The following FLYWCH1 variants were observed in gnomAD, a reference collection of about 807,000 sequenced individuals.
FLYWCH1 encodes FLYWCH-type zinc finger-containing protein 1.
Under a neutral mutation model 66.4 loss-of-function variants are expected in FLYWCH1, and 75 were observed. That is an observed-to-expected ratio of 1.13 (90% CI 0.94 to 1.37). The LOEUF is 1.37. FLYWCH1 is among the 40% of genes most tolerant of loss of function. The pLI, the probability that FLYWCH1 is intolerant of heterozygous loss-of-function variation, is 0.00. For missense variants in FLYWCH1, 1,334 were observed against 1,001.8 expected (o/e 1.33, Z -4.48); for synonymous variants, 595 against 429.9 (o/e 1.38, Z -4.75).
intron 9 of FLYWCH1, among the ~76,000 whole-genome samples, chr16:2,947,763 C>CA (rs552849157): frequency 0.01 from 1,309 of 126,296 alleles, 8 homozygotes; most frequent in African/African-American, 0.022. Flanking sequence ...ACTCTTATCT[C>CA]AAAAAAAAAA....
intron 2 of FLYWCH1, among the ~76,000 whole-genome samples, chr16:2,922,108 CAT>C (rs2070394356): frequency 6.6e-6 from 1 of 152,108 alleles, no homozygotes; most frequent in Admixed American, 6.5e-5. Context: ...AGATAAAAAT[CAT>C]ATTCTGAATC....
chr16:2,937,170 C>G lies in FLYWCH1; in HGVS notation c.1563C>G (p.Tyr521Ter). The G allele has an allele frequency of 2.5e-6, 4 of 1,609,350 alleles. No homozygotes were observed. The highest frequency in any genetic ancestry group is 2.5e-6 in the Non-Finnish European group (3 of 1,178,700). The change falls in exon 7 of 10, where the codon TAC becomes TAG. Residue 521 changes from tyrosine (Y) to a stop codon, truncating the protein, a stop_gained. Coordinates refer to ENST00000253928, the MANE Select transcript of FLYWCH1 (RefSeq NM_001308068.2). LOFTEE classifies it high-confidence loss of function. Reference sequence around the variant, plus strand: ...CCCTGGGGGGCAGCTTCCTGGTGTACGAGTCCTTCCTCTACCGGCGGGAGA... The same window carrying G: ...CCCTGGGGGGCAGCTTCCTGGTGTAGGAGTCCTTCCTCTACCGGCGGGAGA... ...KTPLGGSFLV[Y>*]ESFLYRREKA...
intron 7 of FLYWCH1, among the ~76,000 whole-genome samples, chr16:2,937,666 T>G (rs1222262473): frequency 6.6e-6 from 1 of 152,064 alleles, no homozygotes; most frequent in Non-Finnish European, 1.5e-5. Flanking sequence ...AGAGAGTGCT[T>G]GGCATCTGCT....
rs955564617 is a variant in FLYWCH1, at chr16:2,950,498, A to C, written c.*1771A>C. On this transcript the variant is annotated 3_prime_UTR_variant, in exon 10 of 10. Coordinates refer to ENST00000253928, the MANE Select transcript of FLYWCH1 (RefSeq NM_001308068.2). Reference sequence around the variant, plus strand: ...GCTCTCCACATGCCCAAGATACGAGAGAAACGCCCGGGTCACAGCAGCCTG... The same window carrying C: ...GCTCTCCACATGCCCAAGATACGAGCGAAACGCCCGGGTCACAGCAGCCTG... 7.9e-5 allele frequency: 12 copies of C among 152,570 alleles called. No individual in the cohort carries two copies. The highest frequency in any genetic ancestry group is 1.0e-4 in the Non-Finnish European group (7 of 68,238). 9.5% of individuals were successfully genotyped at this position (152,570 alleles called of 1,614,324 possible). A position where few individuals can be genotyped will look rare whatever the true frequency, so the allele number is the denominator to read the frequency against.
chr16:2,939,173 C>G (rs1408973386), intron 8 of FLYWCH1, among the ~76,000 whole-genome samples: 2 of 152,180 alleles, frequency 1.3e-5, no homozygotes, highest in African/African-American at 4.8e-5. Flanking sequence ...TGGCCAGGCA[C>G]AGTGGCTCAC....
At chr16:2,923,250 G>C (rs1237414052) in intron 2 of FLYWCH1, 1 of 294,426 alleles carries the variant, frequency 3.4e-6, no homozygotes, top group East Asian at 9.2e-5. Context: ...GGCTGTTTTT[G>C]TTTATTTTTA....
At chr16:2,926,247 C>A (rs2150930933) in intron 2 of FLYWCH1, among the ~76,000 whole-genome samples, 1 of 152,218 alleles carries the variant, frequency 6.6e-6, no homozygotes, top group African/African-American at 2.4e-5. Flanking sequence ...AACTTTAGAT[C>A]TAAAGGATTG....
At position 2,921,559 on chromosome 16, in the gene FLYWCH1, A is replaced by G. The variant is rs189979394; in HGVS notation, c.-74+7270A>G. Reference sequence around the variant, plus strand: ...AAAATATTTTTTTTTAATTTAATTAAAAAACCAGGCTGGGCAACCTGGCAA... The same window carrying G: ...AAAATATTTTTTTTTAATTTAATTAGAAAACCAGGCTGGGCAACCTGGCAA... On this transcript the variant is annotated intron_variant, in intron 2 of 9. Transcript: ENST00000253928. Among the ~76,000 whole-genome samples the G allele has an allele frequency of 3.6e-3, 540 of 152,112 alleles. 7 individuals carry two copies. The highest frequency in any genetic ancestry group is 0.012 in the African/African-American group (511 of 41,478).
intron 9 of FLYWCH1, among the ~76,000 whole-genome samples, chr16:2,944,839 T>TAA (rs1257226435): frequency 0.23 from 34,204 of 149,632 alleles, 4,435 homozygotes; most frequent in Non-Finnish European, 0.3. Context: ...AAAAAAAATT[T>TAA]TTTTTAACTG....
chr16:2,933,838 A>G lies in FLYWCH1; in HGVS notation c.1372A>G (p.Met458Val), dbSNP rs763060207. The change falls in exon 6 of 10, where the codon ATG (methionine) becomes GTG (valine). Residue 458 changes from methionine (M) to valine (V), a missense_variant. Coordinates refer to ENST00000253928, the MANE Select transcript of FLYWCH1 (RefSeq NM_001308068.2). ...TTGGACCTGCCGGGACCAGGCCCGC[A>G]TGGGCTGCCGCAGCCGCGCCATCAC... ...VYWTCRDQAR[M>V]GCRSRAITQG... The G allele has an allele frequency of 4.4e-6, 7 of 1,605,900 alleles. No homozygotes were observed. In the East Asian group the frequency reaches 9.0e-5, roughly 21 times the overall value.
At chr16:2,918,669 G>A (rs937000003) in intron 2 of FLYWCH1, among the ~76,000 whole-genome samples, 11 of 149,746 alleles carry the variant, frequency 7.3e-5, no homozygotes, top group Non-Finnish European at 1.6e-4. Context: ...TCAAACTCCC[G>A]ACCTCAGGTG....
At chr16:2,945,893 A>G (rs2071464636) in intron 9 of FLYWCH1, among the ~76,000 whole-genome samples, 1 of 151,918 alleles carries the variant, frequency 6.6e-6, no homozygotes, top group Non-Finnish European at 1.5e-5. Flanking sequence ...GTTACTCGGG[A>G]GGCTGAGGCA....
intron 9 of FLYWCH1, among the ~76,000 whole-genome samples, chr16:2,946,299 T>C (rs1037157714): frequency 2.7e-5 from 4 of 149,694 alleles, no homozygotes; most frequent in Admixed American, 2.0e-4. Context: ...ATTCATGCCC[T>C]GTATAGGTGG....
rs999810571 is a variant in FLYWCH1 at position 2,938,245 on chromosome 16, G to C, written c.1839G>C (p.Glu613Asp). ...TGGGGGGCAGGTTCCTGGTGCACGA[G>C]TCCTTCCTCTACAGGAAGGAGAAGG... ...TSLGGRFLVHESFLYRKEKAA... is the reference protein window; with the variant it reads ...TSLGGRFLVHDSFLYRKEKAA... The change falls in exon 8 of 10, where the codon GAG becomes GAC. Residue 613 changes from glutamate to aspartate, a missense_variant. Glu to Asp is a conservative substitution (Grantham distance 45). Coordinates refer to ENST00000253928, the MANE Select transcript of FLYWCH1 (RefSeq NM_001308068.2). The C allele has an allele frequency of 6.2e-7, 1 of 1,613,206 alleles. No homozygotes were observed. The highest frequency in any genetic ancestry group is 1.3e-5 in the African/African-American group (1 of 74,922).
Position 2,929,926 on chromosome 16 carries a change from C to T in FLYWCH1, c.241C>T (p.Gln81Ter), listed in dbSNP as rs374491028. The stretch of plus-strand genomic sequence containing the variant: ...CCCCGCCACCCTCGCCAGCACCTTG[C>T]AGATCCTGCCAGTTGAGGAGCAGGG... The part of the protein sequence containing the change: ...AGPATLASTL[Q>*]ILPVEEQGGV... The change falls in exon 3 of 10, where the codon CAG (glutamine) becomes TAG (stop). Residue 81 changes from glutamine to a stop codon, truncating the protein, a stop_gained. Coordinates refer to ENST00000253928, the MANE Select transcript of FLYWCH1 (RefSeq NM_001308068.2). LOFTEE classifies it high-confidence loss of function. 1.2e-5 allele frequency: 20 copies of T among 1,613,610 alleles called. No homozygotes were observed.
chr16:2,944,821 C>CAA (rs1009357096), intron 9 of FLYWCH1, among the ~76,000 whole-genome samples: 1 of 116,720 alleles, frequency 8.6e-6, no homozygotes, highest in African/African-American at 3.1e-5. Context: ...GACTCTGTAT[C>CAA]AAAAAAAAAA....
At chr16:2,922,896 T>C (rs1735382647) in intron 2 of FLYWCH1, 3 of 524,234 alleles carry the variant, frequency 5.7e-6, no homozygotes, top group African/African-American at 3.8e-5. Context: ...GGAAAATTGA[T>C]GATCGCATAG....
At chr16:2,913,415 C>T (rs2070058455) in intron 1 of FLYWCH1, among the ~76,000 whole-genome samples, 1 of 152,092 alleles carries the variant, frequency 6.6e-6, no homozygotes, top group South Asian at 2.1e-4. Flanking sequence ...GGGGGGGTCT[C>T]ATTGGCCAAG....
In FLYWCH1 at chr16:2,933,708, C is replaced by T. The variant is rs764011323; in HGVS notation, c.1250-8C>T. 1.2e-6 allele frequency: 2 copies of T among 1,608,868 alleles called. No homozygotes were observed. Among genetic ancestry groups the T allele is most frequent in the African/African-American group, 2.7e-5 (2 of 74,776 alleles). ...CCCCTCCCCTGACTGCCTCTTGAAC[C>T]TCCCCAGGAGGCCCTGAGTTCCTGA... On this transcript the variant is annotated splice_polypyrimidine_tract_variant and splice_region_variant and intron_variant, in intron 5 of 9. Coordinates refer to ENST00000253928, the MANE Select transcript of FLYWCH1 (RefSeq NM_001308068.2).
Sources: gnomAD v4.1 joint callset for allele counts (sites outside exome capture counted in the v4.1 genomes callset) on GRCh38, gnomAD v4.1.1 for gene constraint, MANE v1.5 for transcripts, NCBI Gene and HGNC (gene_info 2026-07-23, HGNC 2026-07-21) for gene names.